The following TENM1 variants were observed in gnomAD, a reference collection of about 807,000 sequenced individuals.
TENM1 encodes teneurin-1.
A neutral mutation model predicts 174.8 loss-of-function variants in TENM1; 35 were observed. The observed-to-expected ratio is 0.20, with a 90% CI of 0.15 to 0.27. TENM1 has a LOEUF of 0.27. Among genes scored for constraint, TENM1 ranks in the 10% least tolerant of loss-of-function variants. The probability of loss-of-function intolerance (pLI) is 1.00; values close to 1 mark genes in which losing one functional copy is unlikely to be tolerated. For missense variants in TENM1, 1,633 were observed against 2,130.1 expected (o/e 0.77, Z 4.59); for synonymous variants, 781 against 798.7 (o/e 0.98, Z 0.37).
At chrX:125,118,797 C>T in the TENM1 span, among the ~76,000 whole-genome samples, 2 of 111,622 alleles carry the variant, frequency 1.8e-5, no homozygotes, top group African/African-American at 6.5e-5. Flanking sequence ...CCAAAACAAA[C>T]CCTGTTCTGA....
chrX:124,737,212 A>T lies in TENM1; in HGVS notation c.536-15T>A. The T allele has an allele frequency of 8.5e-7, 1 of 1,175,637 alleles. No homozygotes were observed. The highest frequency in any genetic ancestry group is 1.9e-5 in the South Asian group (1 of 51,374). On this transcript the variant is annotated splice_polypyrimidine_tract_variant and intron_variant, in intron 3 of 31. Transcript: ENST00000422452. ...GCTCTGCACATCTAAAGAGGAGAGA[A>T]GAGAAACATAAAATAGAGACTTACT...
chrX:125,157,797 T>A, the TENM1 span, among the ~76,000 whole-genome samples: 1 of 111,868 alleles, frequency 8.9e-6, no homozygotes, highest in African/African-American at 3.3e-5. Context: ...TATAACTAAG[T>A]ATGTTTCCCA....
In TENM1 at chrX:124,784,865, C is replaced by T. The variant is rs1440954047; in HGVS notation, c.536-47668G>A. Among the ~76,000 whole-genome samples, 6 of 111,010 alleles carry T rather than the reference C, an allele frequency of 5.4e-5. No homozygotes were observed. The Admixed American group carries it at 5.8e-4, about 11-fold the overall frequency. ...ATTTCTTTCCAATTCCTAGTCCAGT[C>T]CCTCAATTAGGCCTTATAGTGATTT... is the stretch of plus-strand genomic sequence containing the variant. On this transcript the variant is annotated intron_variant, in intron 3 of 31. Coordinates refer to ENST00000422452, the Ensembl canonical transcript of TENM1.
At chrX:124,520,665 T>C (rs369277084) in exon 18 of TENM1, 44 of 1,208,603 alleles carry the variant, frequency 3.6e-5, no homozygotes, top group Middle Eastern at 2.3e-4. Context: ...TTATCATGCC[T>C]ACAGGAATCG....
At chrX:124,728,433 A>C (rs1381491781) in intron 4 of TENM1, among the ~76,000 whole-genome samples, 3 of 111,857 alleles carry the variant, frequency 2.7e-5, no homozygotes, top group African/African-American at 9.7e-5. Flanking sequence ...AATAGTGCCT[A>C]ATATCACTTA....
At chrX:124,787,998 T>C (rs954704110) in intron 3 of TENM1, among the ~76,000 whole-genome samples, 3 of 111,708 alleles carry the variant, frequency 2.7e-5, no homozygotes, top group Non-Finnish European at 3.8e-5. Flanking sequence ...CTTATGTGGA[T>C]GGCAGCAGGC....
rs140822060 is a variant in TENM1 at position 124,637,686 on chromosome X, C to T, written c.2077+4105G>A. Among the ~76,000 whole-genome samples the T allele has an allele frequency of 8.4e-3, 937 of 111,662 alleles. 7 individuals are homozygous for T. Among genetic ancestry groups the T allele is most frequent in the Middle Eastern group, 0.037 (8 of 216 alleles). ...CATGATCTGTGGTCTTTTGTGATCACTTCCTCAACCATCAGTAAATATTAA... is the reference window on the plus strand; with the variant it reads ...CATGATCTGTGGTCTTTTGTGATCATTTCCTCAACCATCAGTAAATATTAA... On this transcript the variant is annotated intron_variant, in intron 11 of 31. Coordinates refer to ENST00000422452, the Ensembl canonical transcript of TENM1.
At chrX:125,015,626 T>G in the TENM1 span, among the ~76,000 whole-genome samples, 1 of 111,375 alleles carries the variant, frequency 9.0e-6, no homozygotes, top group South Asian at 3.8e-4. Flanking sequence ...CTTTCTGTGT[T>G]GTGAGAGTGA....
chrX:124,558,201 A>G (rs1050984994), intron 14 of TENM1, among the ~76,000 whole-genome samples: 4 of 112,064 alleles, frequency 3.6e-5, no homozygotes, highest in Non-Finnish European at 5.6e-5. Flanking sequence ...TATTCAATGC[A>G]GCCCAATTAG....
In TENM1 at chrX:124,484,022, G is replaced by A. The variant is rs189322260; in HGVS notation, c.3717-2058C>T. 1.1e-4 allele frequency among the ~76,000 whole-genome samples: 12 copies of A among 111,897 alleles called. No homozygotes were observed. The East Asian group carries it at 2.5e-3, about 24-fold the overall frequency. On this transcript the variant is annotated intron_variant, in intron 21 of 31. Coordinates refer to ENST00000422452, the Ensembl canonical transcript of TENM1. ...CCACGATAACAAATTATATTTAGTC[G>A]TCATGTCTTCTTAGGCTCTTCTGTG... is the stretch of plus-strand genomic sequence containing the variant.
chrX:124,547,973 A>T (rs2048470730), intron 14 of TENM1, among the ~76,000 whole-genome samples: 1 of 111,634 alleles, frequency 9.0e-6, no homozygotes, highest in Non-Finnish European at 1.9e-5. Flanking sequence ...AGTAGCTGGG[A>T]CCACAGGCGC....
At chrX:125,024,403 A>C in the TENM1 span, among the ~76,000 whole-genome samples, 17 of 108,832 alleles carry the variant, frequency 1.6e-4, no homozygotes, top group South Asian at 8.1e-4. Context: ...ACACACACAC[A>C]CCCCTACTGA....
chrX:124,886,452 T>C (rs1308255730), intron 3 of TENM1, among the ~76,000 whole-genome samples: 1 of 105,885 alleles, frequency 9.4e-6, no homozygotes, highest in Non-Finnish European at 1.9e-5. Flanking sequence ...TATTCTGTTT[T>C]TAAATTAAAT....
the TENM1 span, among the ~76,000 whole-genome samples, chrX:124,992,022 C>T: frequency 0.038 from 4,223 of 111,096 alleles, 191 homozygotes; most frequent in African/African-American, 0.13. Flanking sequence ...AAAAGTCCTT[C>T]TAAGGAAGGG....
At chrX:125,192,749 G>A in the TENM1 span, among the ~76,000 whole-genome samples, 2 of 111,376 alleles carry the variant, frequency 1.8e-5, no homozygotes, top group Non-Finnish European at 3.8e-5. Context: ...AAAATAAACA[G>A]GCATTTATTG....
intron 4 of TENM1, among the ~76,000 whole-genome samples, chrX:124,714,903 C>T (rs1386021551): frequency 9.0e-6 from 1 of 111,231 alleles, no homozygotes; most frequent in Non-Finnish European, 1.9e-5. Flanking sequence ...TTTCAAGTCA[C>T]CCTTTCATTC....
the TENM1 span, among the ~76,000 whole-genome samples, chrX:125,186,109 A>G: frequency 9.0e-6 from 1 of 111,305 alleles, no homozygotes; most frequent in Non-Finnish European, 1.9e-5. Flanking sequence ...CCACTAGTGT[A>G]AACAATTTAT....
intron 11 of TENM1, among the ~76,000 whole-genome samples, chrX:124,625,831 A>G (rs2050624037): frequency 9.0e-6 from 1 of 110,804 alleles, no homozygotes; most frequent in Admixed American, 9.6e-5. Context: ...ATCCAACCCC[A>G]TGATTAGAGA....
chrX:124,598,275 T>C (rs533909565), intron 11 of TENM1, among the ~76,000 whole-genome samples: 21 of 111,646 alleles, frequency 1.9e-4, no homozygotes, highest in African/African-American at 6.5e-4. Flanking sequence ...TAGCACACTG[T>C]TGGTGGGAAG....
Sources: allele counts gnomAD v4.1 joint callset (sites outside exome capture counted in the v4.1 genomes callset), GRCh38; gene constraint gnomAD v4.1.1; transcripts MANE v1.5; gene names NCBI Gene and HGNC (gene_info 2026-07-23, HGNC 2026-07-21).